STX17: variants seen among roughly 807,000 people sequenced by gnomAD.
The protein encoded by STX17 is syntaxin 17.
Under a neutral mutation model 35.9 loss-of-function variants are expected in STX17, and 29 were observed. The observed-to-expected ratio is 0.81, with a 90% confidence interval of 0.60 to 1.10. The LOEUF is 1.10. STX17 is among the 50% of genes least tolerant of loss of function. The probability of loss-of-function intolerance (pLI) is 0.00; values close to 1 mark genes in which losing one functional copy is unlikely to be tolerated. For synonymous variants in STX17, 92 were observed against 118.3 expected (o/e 0.78, Z 1.44); for missense variants, 312 against 352.3 (o/e 0.89, Z 0.92).
In STX17 at chr9:99,969,621, C is replaced by A. The variant is rs1460732401; in HGVS notation, c.*948C>A. The A allele has an allele frequency of 6.6e-6, 1 of 152,478 alleles. No individual in the cohort carries two copies. Among genetic ancestry groups the A allele is most frequent in the Non-Finnish European group, 1.5e-5 (1 of 68,012 alleles). 9.4% of individuals were successfully genotyped at this position (152,478 alleles called of 1,614,324 possible). On this transcript the variant is annotated 3_prime_UTR_variant, in exon 8 of 8. Coordinates refer to ENST00000259400, the MANE Select transcript of STX17 (RefSeq NM_017919.3). The stretch of plus-strand genomic sequence containing the variant: ...GCTAAAATGAGCAAGGAGAAAAAAA[C>A]CACCAAGAACATTTCCTGGGGCATG...
At chr9:99,943,130 C>T (rs1829400408) in intron 3 of STX17, among the ~76,000 whole-genome samples, 1 of 151,544 alleles carries the variant, frequency 6.6e-6, no homozygotes, top group Admixed American at 6.6e-5. Context: ...TTTGTTTGTT[C>T]GTTTGTTTGT....
At chr9:99,909,238 G>A (rs997667430) in intron 1 of STX17, among the ~76,000 whole-genome samples, 2 of 152,090 alleles carry the variant, frequency 1.3e-5, no homozygotes, top group African/African-American at 2.4e-5. Flanking sequence ...TATGCTATTC[G>A]TTTATAATAC....
chr9:99,958,832 C>G (rs1379468262), intron 4 of STX17, among the ~76,000 whole-genome samples: 1 of 152,210 alleles, frequency 6.6e-6, no homozygotes, highest in Non-Finnish European at 1.5e-5. Flanking sequence ...AATTCATCAT[C>G]ATAGCAGTGT....
intron 4 of STX17, among the ~76,000 whole-genome samples, chr9:99,954,543 A>G (rs1341862162): frequency 6.6e-6 from 1 of 152,044 alleles, no homozygotes; most frequent in African/African-American, 2.4e-5. Context: ...AGTTTGCTCC[A>G]TATTTGGTCT....
Position 99,951,118 on chromosome 9 carries a change from AC to A in STX17, c.250del (p.Leu84Ter). The A allele has an allele frequency of 3.1e-6, 5 of 1,612,954 alleles. No homozygotes were observed. The highest frequency in any genetic ancestry group is 4.2e-6 in the Non-Finnish European group (5 of 1,179,104). Reference sequence around the variant, plus strand: ...CTTTGTTTGAAAGTCCGAAAGGATGACCTAGTACTTCTGAAGAGAATGATAG... The same window carrying A: ...CTTTGTTTGAAAGTCCGAAAGGATGACTAGTACTTCTGAAGAGAATGATAG... ...EKLCLKVRKD[D>X]LVLLKRMIDP... On this transcript the variant is annotated frameshift_variant, in exon 4 of 8. Coordinates refer to ENST00000259400, the MANE Select transcript of STX17 (RefSeq NM_017919.3). LOFTEE classifies it high-confidence loss of function.
intron 4 of STX17, among the ~76,000 whole-genome samples, chr9:99,956,270 TA>T (rs1194949481): frequency 2.6e-5 from 4 of 152,164 alleles, no homozygotes; most frequent in African/African-American, 9.6e-5. Flanking sequence ...TCCCACACAT[TA>T]TTTTTTTAGA....
chr9:99,915,511 C>A, intron 2 of STX17, 149 bp downstream of exon 2: 1 of 948,130 alleles, frequency 1.1e-6, no homozygotes, highest in Non-Finnish European at 1.5e-6. Context: ...CATTTTTTAG[C>A]TGGTTTTTCT....
chr9:99,934,652 A>C (rs1587922981), intron 3 of STX17, among the ~76,000 whole-genome samples: 1 of 152,188 alleles, frequency 6.6e-6, no homozygotes, highest in African/African-American at 2.4e-5. Flanking sequence ...TTAAATGTTT[A>C]CCAGTGGACT....
chr9:99,935,066 C>T (rs1829201979), intron 3 of STX17, among the ~76,000 whole-genome samples: 1 of 152,010 alleles, frequency 6.6e-6, no homozygotes, highest in South Asian at 2.1e-4. Context: ...CGCAGTGGCT[C>T]ACACCTGTAA....
intron 3 of STX17, among the ~76,000 whole-genome samples, chr9:99,950,208 A>G (rs755659545): frequency 2.0e-5 from 3 of 151,982 alleles, no homozygotes; most frequent in Non-Finnish European, 4.4e-5. Context: ...TTCATAGGGA[A>G]GTGCAGAGTA....
intron 3 of STX17, among the ~76,000 whole-genome samples, chr9:99,949,006 C>T (rs1003974897): frequency 6.6e-6 from 1 of 152,004 alleles, no homozygotes; most frequent in African/African-American, 2.4e-5. Flanking sequence ...AAAGGAGTCA[C>T]ATAGCCAGGA....
chr9:99,922,447 G>A (rs1828907440), intron 2 of STX17, among the ~76,000 whole-genome samples: 1 of 152,180 alleles, frequency 6.6e-6, no homozygotes, highest in African/African-American at 2.4e-5. Flanking sequence ...AATGGATATT[G>A]ATTGAACTAA....
At chr9:99,967,823 C>G in intron 7 of STX17, 84 bp downstream of exon 7, 1 of 1,183,906 alleles carries the variant, frequency 8.4e-7, no homozygotes, top group Non-Finnish European at 1.3e-6. Flanking sequence ...CTGCTCTCTT[C>G]AATGTTGAGG....
chr9:99,952,436 T>A (rs570827693), intron 4 of STX17, among the ~76,000 whole-genome samples: 1 of 152,334 alleles, frequency 6.6e-6, no homozygotes, highest in African/African-American at 2.4e-5. Context: ...TTGGTGGGAC[T>A]GTAAACTAGT....
chr9:99,909,131 G>A (rs575922871), intron 1 of STX17, among the ~76,000 whole-genome samples: 75 of 152,244 alleles, frequency 4.9e-4, no homozygotes, highest in Non-Finnish European at 6.2e-4. Context: ...AGAGTACAGT[G>A]TAGTTCTTTT....
intron 3 of STX17, among the ~76,000 whole-genome samples, chr9:99,931,631 G>A (rs967844323): frequency 1.3e-5 from 2 of 152,048 alleles, no homozygotes; most frequent in African/African-American, 4.8e-5. Context: ...TTGCAACAGA[G>A]ACTGTATGGC....
At chr9:99,940,633 C>G (rs533528360) in intron 3 of STX17, among the ~76,000 whole-genome samples, 1 of 151,928 alleles carries the variant, frequency 6.6e-6, no homozygotes, top group Non-Finnish European at 1.5e-5. Context: ...CGCACACCAC[C>G]ATGCCCAGCT....
intron 1 of STX17, among the ~76,000 whole-genome samples, chr9:99,909,041 A>G (rs547038033): frequency 3.9e-5 from 6 of 152,244 alleles, no homozygotes; most frequent in African/African-American, 1.4e-4. Flanking sequence ...ATATTTTCTT[A>G]TTTCTTCAGT....
At chr9:99,929,910 C>CTTTTTTTTTTTT in intron 3 of STX17, 222 of 118,346 alleles carry the variant, frequency 1.9e-3, no homozygotes, top group South Asian at 2.5e-3. Flanking sequence ...TTTTTCTTTT[C>CTTTTTTTTTTTT]TTTTTTTTTT....
Sources: allele counts gnomAD v4.1 joint callset (sites outside exome capture counted in the v4.1 genomes callset), GRCh38; gene constraint gnomAD v4.1.1; transcripts MANE v1.5; gene names NCBI Gene and HGNC (gene_info 2026-07-23, HGNC 2026-07-21).